Variants in PALM2AKAP2 observed in about 807,000 individuals in gnomAD.
PALM2AKAP2 encodes PALM2-AKAP2 fusion protein.
PALM2AKAP2 carries 37 observed loss-of-function variants against 71.5 expected under a neutral mutation model. That is an observed-to-expected ratio of 0.52 (90% CI 0.40 to 0.68). PALM2AKAP2 has a LOEUF of 0.68. Among genes scored for constraint, PALM2AKAP2 ranks in the 30% least tolerant of loss-of-function variants. The pLI is 0.00. For synonymous variants in PALM2AKAP2, 468 were observed against 478.8 expected (o/e 0.98, Z 0.29); for missense variants, 1,224 against 1,191.8 (o/e 1.03, Z -0.40).
intron 1 of PALM2AKAP2, among the ~76,000 whole-genome samples, chr9:110,117,311 G>A (rs528883718): frequency 2.7e-4 from 41 of 152,210 alleles, no homozygotes; most frequent in African/African-American, 9.4e-4. Flanking sequence ...TTTTTGTAGA[G>A]ATGGGGTCCC....
At chr9:110,090,203 G>T (rs1834674347) in intron 1 of PALM2AKAP2, 2 of 368,120 alleles carry the variant, frequency 5.4e-6, no homozygotes, top group South Asian at 4.0e-5. Flanking sequence ...CACCAGGTGT[G>T]TGCGGGCAGG....
intron 3 of PALM2AKAP2, among the ~76,000 whole-genome samples, chr9:109,890,063 C>T (rs559195547): frequency 3.3e-5 from 5 of 152,310 alleles, no homozygotes; most frequent in South Asian, 4.1e-4. Context: ...TGGCTTGTAA[C>T]GTGGTCATTT....
chr9:109,967,473 G>A (rs1342298546), intron 6 of PALM2AKAP2, among the ~76,000 whole-genome samples: 3 of 150,880 alleles, frequency 2.0e-5, no homozygotes, highest in African/African-American at 7.3e-5. Flanking sequence ...GCAGTGGCAC[G>A]ATCTTGGCTC....
chr9:109,862,591 C>T (rs996010331), intron 1 of PALM2AKAP2, among the ~76,000 whole-genome samples: 6 of 152,158 alleles, frequency 3.9e-5, no homozygotes, highest in African/African-American at 1.2e-4. Flanking sequence ...GGATCAATAG[C>T]TATTGCAAAG....
intron 1 of PALM2AKAP2, among the ~76,000 whole-genome samples, chr9:109,862,289 T>C (rs776646193): frequency 2.0e-5 from 3 of 152,214 alleles, no homozygotes; most frequent in Non-Finnish European, 4.4e-5. Context: ...TTAGTGTATA[T>C]AATTTAGGAA....
At chr9:109,727,725 C>A (rs1199825714) in intron 1 of PALM2AKAP2, among the ~76,000 whole-genome samples, 1 of 152,206 alleles carries the variant, frequency 6.6e-6, no homozygotes, top group Non-Finnish European at 1.5e-5. Flanking sequence ...TCATATTTTT[C>A]ATGCACCGTA....
In PALM2AKAP2 at chr9:109,829,665, C is replaced by T. The variant is rs143621019; in HGVS notation, c.46-37826C>T. 9.3e-3 allele frequency among the ~76,000 whole-genome samples: 1,402 copies of T among 151,496 alleles called. 21 individuals carry two copies. The highest frequency in any genetic ancestry group is 0.032 in the African/African-American group (1,310 of 41,254). ...GCTGTCCTTTCTCTCTCTTCTTTAT[C>T]AGGGCTACACATCCTCTCTCCTGGC... On this transcript the variant is annotated intron_variant, in intron 1 of 9. Coordinates refer to the PALM2AKAP2 transcript ENST00000302798.
chr9:109,819,705 A>ATGTG (rs57864589), intron 1 of PALM2AKAP2, among the ~76,000 whole-genome samples: 58 of 140,718 alleles, frequency 4.1e-4, no homozygotes, highest in Admixed American at 7.8e-4. Flanking sequence ...GTGTGTGTGT[A>ATGTG]TGTGTGTGTG....
At chr9:109,872,132 A>T (rs959748768) in intron 2 of PALM2AKAP2, among the ~76,000 whole-genome samples, 1 of 152,018 alleles carries the variant, frequency 6.6e-6, no homozygotes, top group African/African-American at 2.4e-5. Flanking sequence ...TATTGTTCTC[A>T]TTTAATCCCT....
At chr9:110,123,511 A>T (rs1835533581) in intron 1 of PALM2AKAP2, among the ~76,000 whole-genome samples, 1 of 152,200 alleles carries the variant, frequency 6.6e-6, no homozygotes, top group Admixed American at 6.5e-5. Flanking sequence ...ATAAGGTCAC[A>T]TTCTGAGGTC....
At chr9:110,076,279 G>T (rs1433594424) in intron 1 of PALM2AKAP2, among the ~76,000 whole-genome samples, 5 of 151,626 alleles carry the variant, frequency 3.3e-5, no homozygotes, top group African/African-American at 1.2e-4. Context: ...ATATTCCACC[G>T]AATTTTACCT....
intron 7 of PALM2AKAP2, among the ~76,000 whole-genome samples, chr9:110,022,750 CCCG>C (rs1377282800): frequency 6.6e-6 from 1 of 151,862 alleles, no homozygotes; most frequent in Admixed American, 6.6e-5. Context: ...CACAACAGTC[CCCG>C]GAGTGTGATG....
At chr9:109,640,931 C>T (rs933936113) in intron 1 of PALM2AKAP2, 15 of 1,469,156 alleles carry the variant, frequency 1.0e-5, no homozygotes, top group Admixed American at 9.6e-5. Flanking sequence ...GTGACCGCGG[C>T]GGCAGGCAGA....
chr9:110,095,272 T>C (rs1053368271), intron 1 of PALM2AKAP2, among the ~76,000 whole-genome samples: 1 of 152,178 alleles, frequency 6.6e-6, no homozygotes, highest in South Asian at 2.1e-4. Flanking sequence ...CTGAAAACCA[T>C]GTAAACAGGG....
At chr9:109,829,717 G>T (rs778286542) in intron 1 of PALM2AKAP2, among the ~76,000 whole-genome samples, 1 of 151,752 alleles carries the variant, frequency 6.6e-6, no homozygotes. Flanking sequence ...GCGTGCTTAT[G>T]CAGTTCTCAT....
chr9:109,950,783 T>C lies in PALM2AKAP2; in HGVS notation c.496+18755T>C, dbSNP rs190619970. Among the ~76,000 whole-genome samples the C allele has an allele frequency of 1.3e-3, 182 of 141,538 alleles. 1 individual carries two copies. The highest frequency in any genetic ancestry group is 2.1e-3 in the Non-Finnish European group (136 of 65,060). 92.9% of individuals were successfully genotyped at this position (141,538 alleles called of 152,430 possible). A position where few individuals can be genotyped will look rare whatever the true frequency, so the allele number is the denominator to read the frequency against. On this transcript the variant is annotated intron_variant, in intron 6 of 9. Transcript: ENST00000302798. Reference sequence around the variant, plus strand: ...AGCCCAGCTGTGAACACTGCTGTCATGGAGACAACTCCAAAATGAAAGAAC... The same window carrying C: ...AGCCCAGCTGTGAACACTGCTGTCACGGAGACAACTCCAAAATGAAAGAAC...
intron 3 of PALM2AKAP2, among the ~76,000 whole-genome samples, chr9:109,901,477 G>A (rs1389542093): frequency 6.6e-6 from 1 of 152,202 alleles, no homozygotes; most frequent in African/African-American, 2.4e-5. Flanking sequence ...GCCAGCCAAA[G>A]GGAGGTTCTT....
chr9:109,851,200 CAACAACAACA>C (rs1306354009), intron 1 of PALM2AKAP2, among the ~76,000 whole-genome samples: 2 of 46,710 alleles, frequency 4.3e-5, no homozygotes, highest in African/African-American at 1.7e-4. Flanking sequence ...ACAACAACAA[CAACAACAACA>C]AAAAAAAAAA....
chr9:109,716,448 A>G (rs944424897), intron 1 of PALM2AKAP2, among the ~76,000 whole-genome samples: 2 of 152,196 alleles, frequency 1.3e-5, no homozygotes, highest in Non-Finnish European at 2.9e-5. Flanking sequence ...TTACAAGTGA[A>G]TTTCCAATAA....
Sources: allele counts gnomAD v4.1 joint callset (sites outside exome capture counted in the v4.1 genomes callset), GRCh38; gene constraint gnomAD v4.1.1; transcripts MANE v1.5; gene names NCBI Gene and HGNC (gene_info 2026-07-23, HGNC 2026-07-21).